The following KLC2 variants were observed in gnomAD, a reference collection of about 807,000 sequenced individuals.
KLC2 encodes the protein KLC 2.
A neutral mutation model predicts 75.1 loss-of-function variants in KLC2; 35 were observed. The observed-to-expected ratio is 0.47, with a 90% CI of 0.36 to 0.62. The LOEUF is 0.62. Among genes scored for constraint, KLC2 ranks in the 20% least tolerant of loss-of-function variants. The pLI is 0.00. For synonymous variants in KLC2, 314 were observed against 336.7 expected (o/e 0.93, Z 0.74); for missense variants, 611 against 833.2 (o/e 0.73, Z 3.28).
intron 4 of KLC2, 74 bp from the exon 5 acceptor site, chr11:66,262,740 A>G: frequency 9.0e-7 from 1 of 1,111,538 alleles, no homozygotes; most frequent in Non-Finnish European, 1.3e-6. Flanking sequence ...AGTGGCTCAA[A>G]GGCACAGCTG....
intron 2 of KLC2, chr11:66,259,691 C>T (rs537740219): frequency 6.6e-6 from 1 of 152,340 alleles, no homozygotes; most frequent in South Asian, 2.1e-4. Flanking sequence ...GAATAAACCT[C>T]AGTGGGTCGA....
In KLC2 at chr11:66,262,128, G is replaced by A; in HGVS notation, c.465G>A (p.Glu155=). The change falls in exon 4 of 16, where the codon GAG becomes GAA. Residue 155 remains glutamate, a synonymous_variant. Coordinates refer to ENST00000394067, the MANE Select transcript of KLC2 (RefSeq NM_001318734.2). The stretch of plus-strand genomic sequence containing the variant: ...CATCCTGTCTTCCTTCCCAGGAGGA[G>A]AAGGGGGACGTCCCCAAAGACACAC... The part of the protein sequence containing the change: ...KLDEDASPNE[E]KGDVPKDTLD... The A allele has an allele frequency of 1.9e-6, 3 of 1,613,354 alleles. No individual in the cohort carries two copies. Among genetic ancestry groups the A allele is most frequent in the Non-Finnish European group, 2.5e-6 (3 of 1,179,930 alleles).
chr11:66,266,812 G>A lies in KLC2; in HGVS notation c.1786-61G>A. 14 of 1,560,346 alleles carry A rather than the reference G, an allele frequency of 9.0e-6. No homozygotes were observed. The Middle Eastern group carries it at 1.7e-3, about 192-fold the overall frequency. ...CCTCTGCCAGGTCAGACCCCTTCAG[G>A]CCAGGGAGGCACAGACTGGCAGCAG... On this transcript the variant is annotated intron_variant, in intron 15 of 15. Transcript: ENST00000394067.
In KLC2 at chr11:66,264,284, A is replaced by G. The variant is rs1403456560; in HGVS notation, c.1117-61A>G. The G allele has an allele frequency of 1.2e-5, 19 of 1,570,314 alleles. No individual in the cohort carries two copies. The African/African-American group carries it at 2.4e-4, about 20-fold the overall frequency. On this transcript the variant is annotated intron_variant, in intron 8 of 15. Coordinates refer to ENST00000394067, the MANE Select transcript of KLC2 (RefSeq NM_001318734.2). ...GGAGGCAGGGATGAGGTTGGGGAAG[A>G]AGGAGAGAAAAAGGCTTGGCTGCAT...
intron 2 of KLC2, chr11:66,259,752 A>G (rs570919099): frequency 3.3e-5 from 5 of 152,326 alleles, no homozygotes; most frequent in African/African-American, 9.6e-5. Flanking sequence ...CTGGAATTCA[A>G]ATGAGAGCTG....
Position 66,266,883 on chromosome 11 carries a change from C to T in KLC2, c.1796C>T (p.Thr599Ile). The change falls in exon 16 of 16, where the codon ACA becomes ATA. Residue 599 changes from threonine to isoleucine, a missense_variant. Coordinates refer to ENST00000394067, the MANE Select transcript of KLC2 (RefSeq NM_001318734.2). ...SVEEPTQPGGTGLSDSRTLSS... is the reference protein window; with the variant it reads ...SVEEPTQPGGIGLSDSRTLSS... ...CCCCTCTGCCCACAGCCTGGAGGCACAGGTCTCTCTGACAGCCGCACTCTC... is the reference window on the plus strand; with the variant it reads ...CCCCTCTGCCCACAGCCTGGAGGCATAGGTCTCTCTGACAGCCGCACTCTC... 1 of 1,613,472 alleles carries T rather than the reference C, an allele frequency of 6.2e-7. No individual in the cohort carries two copies. Among genetic ancestry groups the T allele is most frequent in the Non-Finnish European group, 8.5e-7 (1 of 1,180,018 alleles).
At chr11:66,259,916 A>T (rs992492691) in intron 2 of KLC2, 1 of 152,182 alleles carries the variant, frequency 6.6e-6, no homozygotes, top group Non-Finnish European at 1.5e-5. Flanking sequence ...AAATTAAGGG[A>T]GGAGAGGGCC....
At position 66,261,840 on chromosome 11, in the gene KLC2, G is replaced by A; in HGVS notation, c.327G>A (p.Leu109=). The part of the protein sequence containing the change: ...VRRLVQENQW[L]REELAGTQQK... ...GTCTGGTGCAGGAGAACCAGTGGCT[G>A]CGTGAGGAGCTGGCGGGGACACAGC... The change falls in exon 3 of 16, where the codon CTG becomes CTA. Residue 109 remains leucine (L), a synonymous_variant. Coordinates refer to ENST00000394067, the MANE Select transcript of KLC2 (RefSeq NM_001318734.2). 1.9e-6 allele frequency: 3 copies of A among 1,613,898 alleles called. No homozygotes were observed. The highest frequency in any genetic ancestry group is 2.5e-6 in the Non-Finnish European group (3 of 1,179,990).
Position 66,267,501 on chromosome 11 carries a change from A to AGG in KLC2, c.*549_*550dup. On this transcript the variant is annotated 3_prime_UTR_variant, in exon 16 of 16. Coordinates refer to ENST00000394067, the MANE Select transcript of KLC2 (RefSeq NM_001318734.2). ...ACATTCTCGGGAGCGGCGCCTCCCA[A>AGG]GGGGGTCCTGGGACCTTCTCGCGCT... The AGG allele has an allele frequency of 1.4e-6, 1 of 693,216 alleles. No individual in the cohort carries two copies. The highest frequency in any genetic ancestry group is 2.7e-6 in the Non-Finnish European group (1 of 370,768). 42.9% of individuals were successfully genotyped at this position (693,216 alleles called of 1,614,324 possible). A position where few individuals can be genotyped will look rare whatever the true frequency, so the allele number is the denominator to read the frequency against.
At chr11:66,254,711 G>T (rs1175744961), upstream of KLC2, among the ~76,000 whole-genome samples, 1 of 149,696 alleles carries the variant, frequency 6.7e-6, no homozygotes, top group East Asian at 1.9e-4. Context: ...CAAGGTGGGC[G>T]GATCATGGTA....
intron 9 of KLC2, 196 bp downstream of exon 9, chr11:66,264,640 C>A (rs569837741): frequency 1.7e-6 from 1 of 605,516 alleles, no homozygotes; most frequent in South Asian, 1.9e-5. Context: ...CACGCAGCCC[C>A]CTTGGCCTGC....
At chr11:66,253,739 G>A (rs1166724175), upstream of KLC2, among the ~76,000 whole-genome samples, 1 of 152,196 alleles carries the variant, frequency 6.6e-6, no homozygotes, top group Non-Finnish European at 1.5e-5. Context: ...CCGAACACAT[G>A]CGAGGCTAAG....
the KLC2 span, chr11:66,244,367 TTCCC>T: frequency 6.5e-6 from 1 of 152,942 alleles, no homozygotes; most frequent in Non-Finnish European, 1.5e-5. Flanking sequence ...AGCAGGCTCC[TTCCC>T]TCCCTGTCAC....
chr11:66,248,233 C>T, the KLC2 span, among the ~76,000 whole-genome samples: 1 of 152,140 alleles, frequency 6.6e-6, no homozygotes, highest in Non-Finnish European at 1.5e-5. Flanking sequence ...TGGCTATATA[C>T]CGCCCTGCCA....
chr11:66,260,681 C>T (rs1002083704), intron 2 of KLC2, among the ~76,000 whole-genome samples: 2 of 152,122 alleles, frequency 1.3e-5, no homozygotes, highest in Admixed American at 6.5e-5. Flanking sequence ...ACTGCAGCCT[C>T]TGCCTCTCAG....
the KLC2 span, chr11:66,246,382 G>C: frequency 2.0e-5 from 3 of 152,332 alleles, no homozygotes; most frequent in African/African-American, 7.2e-5. Context: ...AGCTAGGAGA[G>C]AGGGTGAAGG....
intron 3 of KLC2, 29 bp from the exon 4 acceptor site, chr11:66,262,094 C>T: frequency 6.2e-7 from 1 of 1,609,818 alleles, no homozygotes. Context: ...TGCCTCCTTC[C>T]CTGATGCTCA....
Position 66,262,172 on chromosome 11 carries a change from A to T in KLC2, c.509A>T (p.Asn170Ile). The change falls in exon 4 of 16, where the codon AAT (asparagine) becomes ATT (isoleucine). Residue 170 changes from asparagine to isoleucine, a missense_variant. Coordinates refer to ENST00000394067, the MANE Select transcript of KLC2 (RefSeq NM_001318734.2). Reference protein sequence around the residue: ...PKDTLDDLFPNEDEQSPAPSP... With the variant: ...PKDTLDDLFPIEDEQSPAPSP... Reference sequence around the variant, plus strand: ...GACACACTGGATGACCTGTTCCCCAATGAGGATGAGCAGAGCCCAGGTGCG... The same window carrying T: ...GACACACTGGATGACCTGTTCCCCATTGAGGATGAGCAGAGCCCAGGTGCG... The T allele has an allele frequency of 6.2e-7, 1 of 1,613,344 alleles. No homozygotes were observed. The highest frequency in any genetic ancestry group is 8.5e-7 in the Non-Finnish European group (1 of 1,179,894).
intron 11 of KLC2, 89 bp from the exon 12 acceptor site, chr11:66,265,566 C>A: frequency 9.3e-7 from 1 of 1,079,104 alleles, no homozygotes; most frequent in Non-Finnish European, 1.4e-6. Context: ...CCCGGAGGTC[C>A]ATGCTTCCTC....
Sources: gnomAD v4.1 joint callset for allele counts (sites outside exome capture counted in the v4.1 genomes callset) on GRCh38, gnomAD v4.1.1 for gene constraint, MANE v1.5 for transcripts, NCBI Gene and HGNC (gene_info 2026-07-23, HGNC 2026-07-21) for gene names.